The following PASD1 variants were observed in gnomAD, a reference collection of about 807,000 sequenced individuals.
PASD1 encodes the protein circadian clock protein PASD1.
Under a neutral mutation model 58.8 loss-of-function variants are expected in PASD1, and 13 were observed. The observed-to-expected ratio is 0.22, with a 90% confidence interval of 0.14 to 0.35. The LOEUF is 0.35. PASD1 is among the 10% of genes least tolerant of loss of function. The pLI is 1.00. For missense variants in PASD1, 734 were observed against 568.3 expected (o/e 1.29, Z -2.96); for synonymous variants, 236 against 216.7 (o/e 1.09, Z -0.78).
Position 151,576,376 on chromosome X carries a change from A to G in PASD1, c.-28+12537A>G, listed in dbSNP as rs1039600910. Among the ~76,000 whole-genome samples the G allele has an allele frequency of 3.4e-4, 38 of 112,279 alleles. No homozygotes were observed. The Admixed American group carries it at 3.6e-3, about 11-fold the overall frequency. On this transcript the variant is annotated intron_variant, in intron 1 of 15. Transcript: ENST00000370357. ...CAATGCTCAGTCAGGCTTAAAGCAT[A>G]GGCCAAGATGTAACATCATTCAAAT...
At chrX:151,569,476 T>C (rs1163684164) in intron 1 of PASD1, among the ~76,000 whole-genome samples, 2 of 112,099 alleles carry the variant, frequency 1.8e-5, no homozygotes, top group Non-Finnish European at 3.8e-5. Context: ...CTGCACAAAA[T>C]GATTGTACTT....
At chrX:151,584,950 T>G (rs749276556) in intron 1 of PASD1, among the ~76,000 whole-genome samples, 1 of 112,187 alleles carries the variant, frequency 8.9e-6, no homozygotes, top group South Asian at 3.7e-4. Flanking sequence ...GTACCAAGTT[T>G]TCTATATCAT....
rs750318853 is a variant in PASD1, at chrX:151,664,254, A to G, written c.977A>G (p.Glu326Gly). The stretch of plus-strand genomic sequence containing the variant: ...GGCCCAATGGACCAGCAGGACCCAG[A>G]GAACCCAGTTGCCCCGTTGGACCAG... ...QEGPMDQQDP[E>G]NPVAPLDQAG... The change falls in exon 11 of 16, where the codon GAG (glutamate) becomes GGG (glycine). Residue 326 changes from glutamate to glycine, a missense_variant. Glu to Gly is a moderately conservative substitution (Grantham distance 98). Transcript: ENST00000370357. The G allele has an allele frequency of 4.1e-6, 5 of 1,209,383 alleles. No homozygotes were observed. Among genetic ancestry groups the G allele is most frequent in the Non-Finnish European group, 5.6e-6 (5 of 895,042 alleles).
At position 151,604,704 on chromosome X, in the gene PASD1, C is replaced by T; in HGVS notation, c.87C>T (p.Thr29=). The T allele has an allele frequency of 8.3e-7, 1 of 1,207,800 alleles. No individual in the cohort carries two copies. The highest frequency in any genetic ancestry group is 1.1e-6 in the Non-Finnish European group (1 of 892,536). ...RKLNWIPSFP[T]YDYFNQVTLQ... Reference sequence around the variant, plus strand: ...TAAACTGGATTCCATCATTTCCTACCTATGATTACTTCAACCAAGTGACGC... The same window carrying T: ...TAAACTGGATTCCATCATTTCCTACTTATGATTACTTCAACCAAGTGACGC... The change falls in exon 3 of 16, where the codon ACC becomes ACT. Residue 29 remains threonine (T), a synonymous_variant. Transcript: ENST00000370357.
intron 3 of PASD1, among the ~76,000 whole-genome samples, chrX:151,611,097 A>G (rs1181730573): frequency 9.0e-6 from 1 of 111,360 alleles, no homozygotes. Flanking sequence ...CTTAATTCTC[A>G]CAATCTAGTC....
Position 151,620,971 on chromosome X carries a change from T to A in PASD1, c.249T>A (p.Asp83Glu). ...AAAAATTATTAAGCCTTCTGCCTGATGAAGAGAAAGATGAAGTCTACCAAA... is the reference window on the plus strand; with the variant it reads ...AAAAATTATTAAGCCTTCTGCCTGAAGAAGAGAAAGATGAAGTCTACCAAA... ...VGKKLLSLLP[D>E]EEKDEVYQKI... Residue 83 changes from aspartate (D) to glutamate (E), a missense_variant, in exon 5 of 16, where the codon GAT (aspartate) becomes GAA (glutamate). Physicochemically the swap from Asp to Glu is conservative, Grantham distance 45 (BLOSUM62 2). Transcript: ENST00000370357. 1 of 1,206,892 alleles carries A rather than the reference T, an allele frequency of 8.3e-7. No individual in the cohort carries two copies. Among genetic ancestry groups the A allele is most frequent in the East Asian group, 3.0e-5 (1 of 33,694 alleles).
intron 11 of PASD1, 62 bp from the exon 12 acceptor site, chrX:151,670,976 A>G: frequency 1.8e-6 from 2 of 1,106,506 alleles, no homozygotes; most frequent in Non-Finnish European, 2.4e-6. Flanking sequence ...GTGAAACAGG[A>G]TGGTAAGACT....
intron 8 of PASD1, among the ~76,000 whole-genome samples, chrX:151,626,380 C>T (rs925333618): frequency 1.8e-5 from 2 of 111,783 alleles, no homozygotes; most frequent in African/African-American, 6.5e-5. Flanking sequence ...TCCTAACCCC[C>T]AGGAAAATGC....
chrX:151,666,253 T>C (rs769671843), intron 11 of PASD1, among the ~76,000 whole-genome samples: 1 of 110,465 alleles, frequency 9.1e-6, no homozygotes, highest in Admixed American at 9.7e-5. Context: ...TCCAGCATAG[T>C]TCAGGGCAAA....
chrX:151,660,379 T>C (rs972785455), intron 10 of PASD1, among the ~76,000 whole-genome samples: 1 of 112,654 alleles, frequency 8.9e-6, no homozygotes, highest in Non-Finnish European at 1.9e-5. Flanking sequence ...AATCTCCTTA[T>C]ATAGAAGTAA....
intron 1 of PASD1, among the ~76,000 whole-genome samples, chrX:151,595,177 CA>C (rs1319267089): frequency 1.8e-5 from 2 of 111,396 alleles, no homozygotes; most frequent in Non-Finnish European, 1.9e-5. Context: ...TCCAGTATGG[CA>C]AAAAAATTGG....
At chrX:151,573,685 T>C (rs775763663) in intron 1 of PASD1, among the ~76,000 whole-genome samples, 9 of 112,470 alleles carry the variant, frequency 8.0e-5, no homozygotes, top group African/African-American at 2.9e-4. Flanking sequence ...AGTAAAGATA[T>C]AGGGAAGGAC....
intron 1 of PASD1, among the ~76,000 whole-genome samples, chrX:151,580,165 T>C (rs896794201): frequency 8.9e-6 from 1 of 112,375 alleles, no homozygotes; most frequent in Non-Finnish European, 1.9e-5. Context: ...TTAATGGAAT[T>C]TATAAATTTT....
intron 8 of PASD1, among the ~76,000 whole-genome samples, chrX:151,636,550 C>G (rs756744572): frequency 1.8e-5 from 2 of 110,491 alleles, no homozygotes; most frequent in South Asian, 7.9e-4. Flanking sequence ...ATTACAGGTG[C>G]CTGCCACCAG....
chrX:151,611,753 A>G lies in PASD1; in HGVS notation c.207A>G (p.Pro69=). ...ENISSLLGHL[P]AEIVGKKLLS... ...TCTCTTCTCTTCTTGGACATTTACC[A>G]GTAAGTTCTTTCTACTTTTGGGAAA... Residue 69 remains proline, a splice_region_variant and synonymous_variant, in exon 4 of 16, where the codon CCA becomes CCG. Transcript: ENST00000370357. 8.4e-7 allele frequency: 1 copy of G among 1,189,888 alleles called. No individual in the cohort carries two copies. Among genetic ancestry groups the G allele is most frequent in the Non-Finnish European group, 1.1e-6 (1 of 879,238 alleles).
chrX:151,577,612 C>T (rs1172772802), intron 1 of PASD1, among the ~76,000 whole-genome samples: 1 of 111,844 alleles, frequency 8.9e-6, no homozygotes. Context: ...AAAACCTCCA[C>T]CTCCCGGGTT....
At chrX:151,674,324 A>G (rs547541922) in intron 15 of PASD1, 138 bp downstream of exon 15, 2 of 831,708 alleles carry the variant, frequency 2.4e-6, no homozygotes, top group South Asian at 2.5e-5. Flanking sequence ...GACGGCAGTT[A>G]GTCACATGAT....
chrX:151,593,579 C>CT (rs897054552), intron 1 of PASD1, among the ~76,000 whole-genome samples: 3 of 111,213 alleles, frequency 2.7e-5, no homozygotes, highest in African/African-American at 9.8e-5. Context: ...TGAACCCATC[C>CT]TTTTTTATGG....
chrX:151,668,444 A>G (rs1052367728), intron 11 of PASD1, among the ~76,000 whole-genome samples: 5 of 111,090 alleles, frequency 4.5e-5, no homozygotes, highest in Non-Finnish European at 7.5e-5. Context: ...AGATCAACAA[A>G]ATTGATAGAC....
Sources: gnomAD v4.1 joint callset for allele counts (sites outside exome capture counted in the v4.1 genomes callset) on GRCh38, gnomAD v4.1.1 for gene constraint, MANE v1.5 for transcripts, NCBI Gene and HGNC (gene_info 2026-07-23, HGNC 2026-07-21) for gene names.